ADORA2B: variants seen among roughly 807,000 people sequenced by gnomAD.
ADORA2B encodes adenosine A2b receptor.
A neutral mutation model predicts 20.8 loss-of-function variants in ADORA2B; 18 were observed. The observed-to-expected ratio is 0.87, with a 90% CI of 0.60 to 1.29. The LOEUF is 1.29. Among genes scored for constraint, ADORA2B ranks in the 50% most tolerant of loss-of-function variants. ADORA2B has a pLI of 0.00. For missense variants in ADORA2B, 441 were observed against 422.7 expected (o/e 1.04, Z -0.38); for synonymous variants, 179 against 178.3 (o/e 1.00, Z -0.03).
chr17:15,894,759 G>C, the ADORA2B span, among the ~76,000 whole-genome samples: 6 of 152,180 alleles, frequency 3.9e-5, no homozygotes, highest in South Asian at 2.1e-4. Context: ...TCTGAGATGG[G>C]GAGGGCATAG....
At chr17:15,904,480 C>T in the ADORA2B span, among the ~76,000 whole-genome samples, 8 of 151,432 alleles carry the variant, frequency 5.3e-5, no homozygotes, top group South Asian at 4.2e-4. Flanking sequence ...CTCCACCTCC[C>T]GGGTTCATGC....
At chr17:15,928,949 C>T in the ADORA2B span, among the ~76,000 whole-genome samples, 2 of 151,668 alleles carry the variant, frequency 1.3e-5, no homozygotes, top group African/African-American at 2.4e-5. Context: ...TGGGTTGTTA[C>T]GGAAGGAGAG....
the ADORA2B span, among the ~76,000 whole-genome samples, chr17:15,851,173 G>T: frequency 5.3e-5 from 8 of 150,942 alleles, no homozygotes; most frequent in Non-Finnish European, 1.0e-4. Flanking sequence ...CTGCATAAGG[G>T]TGGATCAAGA....
Position 15,973,084 on chromosome 17 carries a change from C to T in ADORA2B, c.336-1595C>T, listed in dbSNP as rs554883698. On this transcript the variant is annotated intron_variant, in intron 1 of 1. Coordinates refer to ENST00000304222, the MANE Select transcript of ADORA2B (RefSeq NM_000676.4). ...TAGTATTTCTCAGTAGACAGGGGCACTGCTAGACTCTTGTTCTCCAGCAGT... is the reference window on the plus strand; with the variant it reads ...TAGTATTTCTCAGTAGACAGGGGCATTGCTAGACTCTTGTTCTCCAGCAGT... Among the ~76,000 whole-genome samples, 8 of 152,310 alleles carry T rather than the reference C, an allele frequency of 5.3e-5. No homozygotes were observed. In the East Asian group the frequency reaches 1.5e-3, roughly 29 times the overall value.
At chr17:15,921,467 G>A in the ADORA2B span, among the ~76,000 whole-genome samples, 2 of 152,168 alleles carry the variant, frequency 1.3e-5, no homozygotes, top group South Asian at 4.1e-4. Flanking sequence ...TCCATTTTCT[G>A]TAATCGTGTA....
In ADORA2B at chr17:15,964,897, T is replaced by TAA. The variant is rs1180513573; in HGVS notation, c.336-9778_336-9777dup. On this transcript the variant is annotated intron_variant, in intron 1 of 1. Coordinates refer to ENST00000304222, the MANE Select transcript of ADORA2B (RefSeq NM_000676.4). ...TAACACGGTGAAACCCCGTCTCTAC[T>TAA]AAAAATACAAAAAATTAGCCCGTGT... 2.6e-5 allele frequency among the ~76,000 whole-genome samples: 4 copies of TAA among 151,836 alleles called. No individual in the cohort carries two copies. The East Asian group carries it at 5.9e-4, about 22-fold the overall frequency.
chr17:15,975,467 C>A lies in ADORA2B; in HGVS notation c.*125C>A. The A allele has an allele frequency of 1.1e-6, 1 of 948,272 alleles. No individual in the cohort carries two copies. Among genetic ancestry groups the A allele is most frequent in the Non-Finnish European group, 1.6e-6 (1 of 639,446 alleles). 58.7% of individuals were successfully genotyped at this position (948,272 alleles called of 1,614,324 possible). A position where few individuals can be genotyped will look rare whatever the true frequency, so the allele number is the denominator to read the frequency against. On this transcript the variant is annotated 3_prime_UTR_variant, in exon 2 of 2. Coordinates refer to ENST00000304222, the MANE Select transcript of ADORA2B (RefSeq NM_000676.4). ...AATGGACTGCCTCTCTTGAGCACTT[C>A]CCTGGAGCTACCACGTATCTAGCTA...
chr17:15,889,718 C>T, the ADORA2B span, among the ~76,000 whole-genome samples: 1 of 129,198 alleles, frequency 7.7e-6, no homozygotes, highest in African/African-American at 3.3e-5. Context: ...GCCAACATGG[C>T]AAAATCCCGT....
chr17:15,913,457 G>C, the ADORA2B span, among the ~76,000 whole-genome samples: 1,374 of 152,300 alleles, frequency 9.0e-3, 27 homozygotes, highest in African/African-American at 0.031. Context: ...AGCTTTTCCA[G>C]CTTGATGGTG....
the ADORA2B span, among the ~76,000 whole-genome samples, chr17:15,906,879 G>C: frequency 6.6e-6 from 1 of 152,130 alleles, no homozygotes; most frequent in East Asian, 1.9e-4. Flanking sequence ...AATATTTTTA[G>C]TTCAACTATT....
chr17:15,899,690 G>T, the ADORA2B span, among the ~76,000 whole-genome samples: 1 of 152,238 alleles, frequency 6.6e-6, no homozygotes, highest in African/African-American at 2.4e-5. Flanking sequence ...GTGAAAACAT[G>T]CAATATTTGG....
chr17:15,911,155 A>T, the ADORA2B span, among the ~76,000 whole-genome samples: 1 of 152,206 alleles, frequency 6.6e-6, no homozygotes, highest in Non-Finnish European at 1.5e-5. Context: ...GATGGTCATT[A>T]TATCACCCGC....
chr17:15,917,745 A>G, the ADORA2B span, among the ~76,000 whole-genome samples: 1 of 152,314 alleles, frequency 6.6e-6, no homozygotes, highest in South Asian at 2.1e-4. Flanking sequence ...TGCTGGTCGC[A>G]TCAGGGGCTC....
At chr17:15,878,538 T>C in the ADORA2B span, among the ~76,000 whole-genome samples, 1 of 152,272 alleles carries the variant, frequency 6.6e-6, no homozygotes, top group Non-Finnish European at 1.5e-5. Flanking sequence ...ATTATACTTG[T>C]TGGTGTTCCA....
chr17:15,897,854 A>G, the ADORA2B span, among the ~76,000 whole-genome samples: 256 of 152,346 alleles, frequency 1.7e-3, no homozygotes, highest in Middle Eastern at 0.01. Flanking sequence ...TAGAAAGTTC[A>G]ACACCATGAA....
chr17:15,863,081 T>C, the ADORA2B span, among the ~76,000 whole-genome samples: 1 of 152,154 alleles, frequency 6.6e-6, no homozygotes, highest in Non-Finnish European at 1.5e-5. Flanking sequence ...CATATTGTCC[T>C]GTTTATGTGC....
At chr17:15,922,862 A>AT in the ADORA2B span, among the ~76,000 whole-genome samples, 1 of 151,962 alleles carries the variant, frequency 6.6e-6, no homozygotes, top group Admixed American at 6.6e-5. Flanking sequence ...AGACATTTGG[A>AT]TTTTTGCTGG....
At chr17:15,905,035 A>G in the ADORA2B span, among the ~76,000 whole-genome samples, 1 of 151,858 alleles carries the variant, frequency 6.6e-6, no homozygotes, top group Non-Finnish European at 1.5e-5. Flanking sequence ...TGCCTTTTTA[A>G]TTTTAGACTC....
the ADORA2B span, among the ~76,000 whole-genome samples, chr17:15,890,915 A>G: frequency 6.6e-6 from 1 of 152,242 alleles, no homozygotes; most frequent in Non-Finnish European, 1.5e-5. Flanking sequence ...CTCCATGTGC[A>G]GCACGAGGCC....
Sources: allele counts gnomAD v4.1 joint callset (sites outside exome capture counted in the v4.1 genomes callset), GRCh38; gene constraint gnomAD v4.1.1; transcripts MANE v1.5; gene names NCBI Gene and HGNC (gene_info 2026-07-23, HGNC 2026-07-21).